L3MBTL4: variants seen among roughly 807,000 people sequenced by gnomAD.
L3MBTL4 encodes the protein L3MBTL histone methyl-lysine binding protein 4, also known as lethal(3)malignant brain tumor-like protein 4.
L3MBTL4 carries 70 observed loss-of-function variants against 84.5 expected under a neutral mutation model. That is an observed-to-expected ratio of 0.83 (90% CI 0.68 to 1.01). The LOEUF (loss-of-function observed/expected upper bound fraction) is 1.01, where lower values mean the gene tolerates loss of function less well. L3MBTL4 is among the 50% of genes least tolerant of loss of function. L3MBTL4 has a pLI of 0.00. For missense variants in L3MBTL4, 715 were observed against 754.8 expected, an observed-to-expected ratio of 0.95 and a Z score of 0.62; for synonymous variants, 274 against 259.8, an observed-to-expected ratio of 1.05 and a Z score of -0.52.
intron 16 of L3MBTL4, among the ~76,000 whole-genome samples, chr18:6,050,190 G>T (rs1003523708): frequency 6.6e-6 from 1 of 152,076 alleles, no homozygotes; most frequent in African/African-American, 2.4e-5. Flanking sequence ...GAGGGTACTG[G>T]GTCAAAAGAT....
At chr18:6,042,837 C>T (rs777555946) in intron 16 of L3MBTL4, among the ~76,000 whole-genome samples, 7 of 152,168 alleles carry the variant, frequency 4.6e-5, no homozygotes, top group African/African-American at 7.2e-5. Flanking sequence ...GTTAATCTCC[C>T]GCTCAAACCT....
chr18:6,306,987 T>C (rs544000383), intron 3 of L3MBTL4, among the ~76,000 whole-genome samples: 5 of 152,250 alleles, frequency 3.3e-5, no homozygotes, highest in South Asian at 2.1e-4. Context: ...GATAAGTCAT[T>C]AAGGTCCAGC....
At chr18:6,014,199 A>G (rs1045675796) in intron 16 of L3MBTL4, among the ~76,000 whole-genome samples, 6 of 152,228 alleles carry the variant, frequency 3.9e-5, no homozygotes, top group Non-Finnish European at 7.3e-5. Context: ...TAATGGTTAC[A>G]CAAACATAAT....
intron 15 of L3MBTL4, among the ~76,000 whole-genome samples, chr18:6,084,035 A>T (rs2143374132): frequency 6.6e-6 from 1 of 152,288 alleles, no homozygotes; most frequent in African/African-American, 2.4e-5. Flanking sequence ...CCTGAACTGG[A>T]TGCTTAACAT....
At chr18:6,349,408 T>C (rs1348530687) in intron 1 of L3MBTL4, among the ~76,000 whole-genome samples, 1 of 152,202 alleles carries the variant, frequency 6.6e-6, no homozygotes. Flanking sequence ...AGAGACATTA[T>C]GCTAAACAAA....
chr18:5,977,145 C>T (rs556348794), intron 16 of L3MBTL4, among the ~76,000 whole-genome samples: 2 of 152,282 alleles, frequency 1.3e-5, no homozygotes, highest in African/African-American at 4.8e-5. Context: ...TGCACTCAGG[C>T]CAGCCTCAGC....
intron 1 of L3MBTL4, among the ~76,000 whole-genome samples, chr18:6,355,927 T>C (rs1197716680): frequency 6.6e-6 from 1 of 151,872 alleles, no homozygotes; most frequent in Non-Finnish European, 1.5e-5. Context: ...GCATGATTCA[T>C]CCCCAGCAGG....
At chr18:6,039,483 A>G (rs1259023799) in intron 16 of L3MBTL4, among the ~76,000 whole-genome samples, 1 of 152,140 alleles carries the variant, frequency 6.6e-6, no homozygotes, top group Admixed American at 6.5e-5. Flanking sequence ...GTTTCCCCCA[A>G]TTTAAACCAA....
Position 5,992,151 on chromosome 18 carries a change from T to C in L3MBTL4, c.1445-22589A>G, listed in dbSNP as rs563018211. On this transcript the variant is annotated intron_variant, in intron 16 of 18. Transcript: ENST00000317931. ...GAAAGAATCGGTTGCAGCAACGAGG[T>C]ACGTGCGAGGAGGACAGGGTGATGT... Among the ~76,000 whole-genome samples the C allele has an allele frequency of 1.4e-3, 210 of 152,194 alleles. 1 individual carries two copies. The highest frequency in any genetic ancestry group is 6.8e-3 in the Middle Eastern group (2 of 294).
intron 16 of L3MBTL4, among the ~76,000 whole-genome samples, chr18:6,038,251 C>T (rs201479971): frequency 7.1e-4 from 69 of 97,852 alleles, no homozygotes; most frequent in South Asian, 1.2e-3. Flanking sequence ...ATTTCTGGAT[C>T]TTTTTTTTTT....
At chr18:6,025,429 G>C (rs2055456158) in intron 16 of L3MBTL4, among the ~76,000 whole-genome samples, 1 of 152,156 alleles carries the variant, frequency 6.6e-6, no homozygotes, top group Non-Finnish European at 1.5e-5. Context: ...ATAAACTTCA[G>C]ACATGCCTAC....
chr18:6,097,852 C>A (rs2058691401), intron 14 of L3MBTL4, among the ~76,000 whole-genome samples: 1 of 152,174 alleles, frequency 6.6e-6, no homozygotes, highest in African/African-American at 2.4e-5. Flanking sequence ...CCATCCCCTT[C>A]CCATGACACG....
At chr18:6,267,408 C>T (rs945172001) in intron 4 of L3MBTL4, among the ~76,000 whole-genome samples, 1 of 152,184 alleles carries the variant, frequency 6.6e-6, no homozygotes, top group Non-Finnish European at 1.5e-5. Flanking sequence ...CCCATTAGAA[C>T]GCCTAAAGGT....
intron 16 of L3MBTL4, among the ~76,000 whole-genome samples, chr18:6,058,394 G>C (rs1317171109): frequency 2.6e-5 from 4 of 152,082 alleles, no homozygotes; most frequent in Admixed American, 2.0e-4. Flanking sequence ...TCTTTATGGA[G>C]TATAAATCTC....
chr18:6,196,032 C>G (rs2045362001), intron 12 of L3MBTL4, among the ~76,000 whole-genome samples: 1 of 152,054 alleles, frequency 6.6e-6, no homozygotes, highest in African/African-American at 2.4e-5. Context: ...TCCACATTCA[C>G]ACAGTAACCA....
chr18:6,250,703 G>T (rs2047887312), intron 5 of L3MBTL4, among the ~76,000 whole-genome samples: 1 of 152,134 alleles, frequency 6.6e-6, no homozygotes, highest in African/African-American at 2.4e-5. Flanking sequence ...GTTATACAAA[G>T]AACTGGGCAA....
Position 6,215,938 on chromosome 18 carries a change from G to C in L3MBTL4, c.785-103C>G, listed in dbSNP as rs558825430. On this transcript the variant is annotated intron_variant, in intron 10 of 18. Coordinates refer to ENST00000317931, the MANE Select transcript of L3MBTL4 (RefSeq NM_001330559.2). The stretch of plus-strand genomic sequence containing the variant: ...ATATGACACCTAATGTTAATTGAAT[G>C]CTCACCATTAAACAGACCTGATGCT... The C allele has an allele frequency of 8.7e-5, 53 of 608,486 alleles. No individual in the cohort carries two copies. The South Asian group carries it at 1.3e-3, about 15-fold the overall frequency. The allele number at this position is 608,486 out of a possible 1,614,324, so 37.7% of individuals were successfully genotyped here. A position where few individuals can be genotyped will look rare whatever the true frequency, so the allele number is the denominator to read the frequency against.
intron 16 of L3MBTL4, among the ~76,000 whole-genome samples, chr18:6,015,309 G>A (rs1414043984): frequency 2.6e-5 from 4 of 151,922 alleles, no homozygotes; most frequent in African/African-American, 7.3e-5. Flanking sequence ...AAGAAGGGGC[G>A]GTTATGTGGG....
chr18:6,215,470 T>C (rs1042514578), intron 11 of L3MBTL4, among the ~76,000 whole-genome samples: 5 of 152,084 alleles, frequency 3.3e-5, no homozygotes, highest in Non-Finnish European at 5.9e-5. Context: ...GAACCAGAAA[T>C]GTAAGGAATG....
Sources: allele counts gnomAD v4.1 joint callset (sites outside exome capture counted in the v4.1 genomes callset), GRCh38; gene constraint gnomAD v4.1.1; transcripts MANE v1.5; gene names NCBI Gene and HGNC (gene_info 2026-07-23, HGNC 2026-07-21).